Variants in SIAH2 observed in about 807,000 individuals in gnomAD.
The protein encoded by SIAH2 is siah E3 ubiquitin protein ligase 2, also known as E3 ubiquitin-protein ligase SIAH2.
In SIAH2, 4 loss-of-function variants were observed where a neutral mutation model predicts 20.4. That is an observed-to-expected ratio of 0.20 (90% confidence interval 0.10 to 0.45). The LOEUF (loss-of-function observed/expected upper bound fraction) is 0.45, where lower values mean the gene tolerates loss of function less well. SIAH2 is among the 20% of genes least tolerant of loss of function. The pLI, the probability that SIAH2 is intolerant of heterozygous loss-of-function variation, is 0.99. For synonymous variants in SIAH2, 171 were observed against 192.5 expected (o/e 0.89, Z 0.93); for missense variants, 259 against 440.3 (o/e 0.59, Z 3.69).
Position 150,741,882 on chromosome 3 carries a change from G to T in SIAH2, c.*259C>A, listed in dbSNP as rs1714094906. On this transcript the variant is annotated 3_prime_UTR_variant, in exon 2 of 2. Transcript: ENST00000312960. ...CCTGTGCAACAGCCTGTCAAGTGTT[G>T]TTTAGGGAGTAAATACAATTCAATA... The T allele has an allele frequency of 1.6e-5, 7 of 435,410 alleles. No homozygotes were observed. The highest frequency in any genetic ancestry group is 1.2e-3 in the Middle Eastern group (2 of 1,626). The allele number at this position is 435,410 out of a possible 1,614,324, so 27.0% of individuals were successfully genotyped here. A position where few individuals can be genotyped will look rare whatever the true frequency, so the allele number is the denominator to read the frequency against.
chr3:150,761,692 G>A (rs952543639), intron 1 of SIAH2, among the ~76,000 whole-genome samples: 4 of 152,034 alleles, frequency 2.6e-5, no homozygotes, highest in African/African-American at 9.7e-5. Flanking sequence ...TGCATTTTTC[G>A]CAAGGGCATT....
At chr3:150,753,663 G>A (rs1714418707) in intron 1 of SIAH2, among the ~76,000 whole-genome samples, 1 of 152,114 alleles carries the variant, frequency 6.6e-6, no homozygotes, top group African/African-American at 2.4e-5. Flanking sequence ...GCCTGATGGT[G>A]TGTGCCTGTA....
At chr3:150,745,612 C>G (rs916011817) in intron 1 of SIAH2, among the ~76,000 whole-genome samples, 6 of 152,112 alleles carry the variant, frequency 3.9e-5, no homozygotes, top group African/African-American at 1.4e-4. Flanking sequence ...TCTCCTGCCT[C>G]AGCCTCCCAA....
In SIAH2 at chr3:150,762,254, G is replaced by A; in HGVS notation, c.417+179C>T. ...TATTAACAATTATTACTCGGTAAAT[G>A]TCAACCCAGACCTACACCCAAAGTG... On this transcript the variant is annotated intron_variant, in intron 1 of 1. Coordinates refer to ENST00000312960, the MANE Select transcript of SIAH2 (RefSeq NM_005067.7). This position sits in a 1 kb window ranked among gnomAD's most constrained non-coding sequence, Gnocchi z 6.6. 3.2e-6 allele frequency: 4 copies of A among 1,265,436 alleles called. No individual in the cohort carries two copies. The highest frequency in any genetic ancestry group is 2.6e-5 in the East Asian group (1 of 38,930). The allele number at this position is 1,265,436 out of a possible 1,614,324, so 78.4% of individuals were successfully genotyped here. A position where few individuals can be genotyped will look rare whatever the true frequency, so the allele number is the denominator to read the frequency against.
chr3:150,745,150 A>C (rs1367769938), intron 1 of SIAH2, among the ~76,000 whole-genome samples: 1 of 151,834 alleles, frequency 6.6e-6, no homozygotes, highest in Non-Finnish European at 1.5e-5. Flanking sequence ...ATGGCAATCT[A>C]TCCCTTCTCT....
In SIAH2 at chr3:150,741,214, C is replaced by T. The variant is rs1714079238; in HGVS notation, c.*927G>A. On this transcript the variant is annotated 3_prime_UTR_variant, in exon 2 of 2. Coordinates refer to ENST00000312960, the MANE Select transcript of SIAH2 (RefSeq NM_005067.7). The stretch of plus-strand genomic sequence containing the variant: ...AGCTTTAAATAGCAAGCATATGACA[C>T]ACCGGTTATAAAGCTTTTCCAACTC... The T allele has an allele frequency of 6.6e-6, 1 of 152,606 alleles. No individual in the cohort carries two copies. Among genetic ancestry groups the T allele is most frequent in the Non-Finnish European group, 1.5e-5 (1 of 68,036 alleles). The allele number at this position is 152,606 out of a possible 1,614,324, so 9.5% of individuals were successfully genotyped here.
chr3:150,761,278 G>C (rs115045536), intron 1 of SIAH2, among the ~76,000 whole-genome samples: 1 of 152,218 alleles, frequency 6.6e-6, no homozygotes, highest in Non-Finnish European at 1.5e-5. Flanking sequence ...TGACTTTACA[G>C]TATACTTCTA....
At position 150,742,728 on chromosome 3, in the gene SIAH2, GGGCCTTCTCAAAACTTCTATTGCTTC is replaced by G. The variant is rs1240939412; in HGVS notation, c.418-56_418-31del. On this transcript the variant is annotated intron_variant, in intron 1 of 1. Coordinates refer to ENST00000312960, the MANE Select transcript of SIAH2 (RefSeq NM_005067.7). The surrounding 1 kb of genome is among the most constrained non-coding windows in gnomAD (Gnocchi z 4.8). ...AAAGAAAGAAATGCATTGAGCCATT[GGGCCTTCTCAAAACTTCTATTGCTTC>G]AACCCTCTATGAGTACTTAACTACT... The G allele has an allele frequency of 6.6e-7, 1 of 1,509,654 alleles. No individual in the cohort carries two copies. The highest frequency in any genetic ancestry group is 8.9e-7 in the Non-Finnish European group (1 of 1,128,790). 93.5% of individuals were successfully genotyped at this position (1,509,654 alleles called of 1,614,324 possible).
At chr3:150,758,834 C>T (rs1714541824) in intron 1 of SIAH2, among the ~76,000 whole-genome samples, 1 of 151,726 alleles carries the variant, frequency 6.6e-6, no homozygotes, top group Non-Finnish European at 1.5e-5. Flanking sequence ...CCTCTGCCTC[C>T]CGGGTTCAAG....
intron 1 of SIAH2, among the ~76,000 whole-genome samples, chr3:150,744,875 C>CT (rs1254143214): frequency 6.6e-6 from 1 of 152,170 alleles, no homozygotes; most frequent in Admixed American, 6.6e-5. Context: ...CATTTTATAA[C>CT]TTTCCCCACT....
intron 1 of SIAH2, among the ~76,000 whole-genome samples, chr3:150,756,196 G>T (rs1186415713): frequency 4.6e-5 from 7 of 152,152 alleles, no homozygotes; most frequent in Non-Finnish European, 1.0e-4. Flanking sequence ...ATTTGATCAG[G>T]AAGACTTTCT....
intron 1 of SIAH2, among the ~76,000 whole-genome samples, chr3:150,757,807 T>C (rs561953305): frequency 1.3e-5 from 2 of 151,770 alleles, no homozygotes; most frequent in South Asian, 4.2e-4. Context: ...CATAGTGAGA[T>C]GACATCTCTT....
rs145006177 is a variant in SIAH2, at chr3:150,741,500, C to T, written c.*641G>A. 15 of 152,570 alleles carry T rather than the reference C, an allele frequency of 9.8e-5. No individual in the cohort carries two copies. The highest frequency in any genetic ancestry group is 2.2e-4 in the African/African-American group (9 of 41,568). 9.5% of individuals were successfully genotyped at this position (152,570 alleles called of 1,614,324 possible). A position where few individuals can be genotyped will look rare whatever the true frequency, so the allele number is the denominator to read the frequency against. On this transcript the variant is annotated 3_prime_UTR_variant, in exon 2 of 2. Coordinates refer to ENST00000312960, the MANE Select transcript of SIAH2 (RefSeq NM_005067.7). ...GGGGATGAAACAGTAGAAAGACAAA[C>T]AGTATCGGCAGAGGGCAACCTTAAA...
chr3:150,758,683 G>A (rs1209851378), intron 1 of SIAH2, among the ~76,000 whole-genome samples: 2 of 147,964 alleles, frequency 1.4e-5, no homozygotes, highest in Non-Finnish European at 3.0e-5. Context: ...CGATTCTCCT[G>A]CCGCAGCCTC....
Position 150,742,486 on chromosome 3 carries a change from A to C in SIAH2, c.630T>G (p.Ile210Met). The C allele has an allele frequency of 6.2e-7, 1 of 1,614,188 alleles. No homozygotes were observed. Residue 210 changes from isoleucine (I) to methionine (M), a missense_variant, in exon 2 of 2, where the codon ATT (isoleucine) becomes ATG (methionine). Around this residue, in one of 2 missense-constraint regions of SIAH2, gnomAD observed 160 missense variants for 327.6 expected, o/e 0.49. Coordinates refer to ENST00000312960, the MANE Select transcript of SIAH2 (RefSeq NM_005067.7). The surrounding 1 kb of genome is among the most constrained non-coding windows in gnomAD (Gnocchi z 4.8). The stretch of plus-strand genomic sequence containing the variant: ...CCCAGTCGACAGCCCCTGGCAAGTT[A>C]ATGTCTGTAGCTAGAAAGACGATGT... ...GEDIVFLATD[I>M]NLPGAVDWVM...
At chr3:150,750,031 T>C (rs188074402) in intron 1 of SIAH2, among the ~76,000 whole-genome samples, 10 of 152,348 alleles carry the variant, frequency 6.6e-5, no homozygotes, top group African/African-American at 2.4e-4. Context: ...GGAGCTCAAC[T>C]GGAAGGATGA....
At chr3:150,753,110 A>C (rs529661797) in intron 1 of SIAH2, among the ~76,000 whole-genome samples, 2 of 152,352 alleles carry the variant, frequency 1.3e-5, no homozygotes, top group Admixed American at 1.3e-4. Context: ...AGCTGGTGCC[A>C]CCATGGCAGC....
intron 1 of SIAH2, among the ~76,000 whole-genome samples, chr3:150,745,274 CACA>C (rs1714186042): frequency 6.6e-6 from 1 of 151,034 alleles, no homozygotes; most frequent in African/African-American, 2.5e-5. Context: ...CACACACACA[CACA>C]CCCCACATTT....
At chr3:150,743,662 T>C (rs1328000732) in intron 1 of SIAH2, among the ~76,000 whole-genome samples, 1 of 152,136 alleles carries the variant, frequency 6.6e-6, no homozygotes, top group Non-Finnish European at 1.5e-5. Context: ...GCACTTGGGA[T>C]GACATTCCTA....
Sources: allele counts gnomAD v4.1 joint callset (sites outside exome capture counted in the v4.1 genomes callset), GRCh38; gene constraint gnomAD v4.1.1; regional missense constraint gnomAD v4.1.1; non-coding constraint Gnocchi (gnomAD v3.1); transcripts MANE v1.5; gene names NCBI Gene and HGNC (gene_info 2026-07-23, HGNC 2026-07-21).